The following MAML2 variants were observed in gnomAD, a reference collection of about 807,000 sequenced individuals.
MAML2 encodes the protein mastermind-like protein 2.
In MAML2, 22 loss-of-function variants were observed where a neutral mutation model predicts 96.1. The observed-to-expected ratio is 0.23, with a 90% CI of 0.16 to 0.33. The LOEUF (loss-of-function observed/expected upper bound fraction) is 0.33. MAML2 is among the 10% of genes least tolerant of loss of function. The pLI, the probability that MAML2 is intolerant of heterozygous loss-of-function variation, is 1.00. For synonymous variants in MAML2, 561 were observed against 521.3 expected, an observed-to-expected ratio of 1.08 and a Z score of -1.04; for missense variants, 1,367 against 1,392.4, an observed-to-expected ratio of 0.98 and a Z score of 0.29.
chr11:96,245,648 G>A (rs512273), intron 1 of MAML2, among the ~76,000 whole-genome samples: 140,831 of 151,770 alleles, frequency 0.93, 65,508 homozygotes, highest in African/African-American at 0.98. Context: ...GTATGGCTAT[G>A]AAATTGTGCC....
At position 95,977,261 on chromosome 11, in the gene MAML2, T is replaced by C; in HGVS notation, c.*1687A>G. The C allele has an allele frequency of 5.4e-6, 1 of 184,568 alleles. No homozygotes were observed. The highest frequency in any genetic ancestry group is 1.2e-5 in the Non-Finnish European group (1 of 86,952). 11.4% of individuals were successfully genotyped at this position (184,568 alleles called of 1,614,324 possible). On this transcript the variant is annotated 3_prime_UTR_variant, in exon 5 of 5. Coordinates refer to ENST00000524717, the MANE Select transcript of MAML2 (RefSeq NM_032427.4). The stretch of plus-strand genomic sequence containing the variant: ...TATAAATATAACCCAAAGAATATGT[T>C]TGAAGTATTTCTACCAAAATATTCT...
At chr11:96,322,427 A>G (rs1287067601) in intron 1 of MAML2, among the ~76,000 whole-genome samples, 1 of 152,228 alleles carries the variant, frequency 6.6e-6, no homozygotes, top group African/African-American at 2.4e-5. Context: ...GGCGGGGCAC[A>G]GTGGCTCATT....
intron 2 of MAML2, among the ~76,000 whole-genome samples, chr11:96,085,795 A>G (rs1859600614): frequency 6.8e-6 from 1 of 147,696 alleles, no homozygotes; most frequent in Non-Finnish European, 1.5e-5. Flanking sequence ...ATGTATTATG[A>G]TCCCAAGGCT....
At chr11:96,019,313 G>A (rs937724931) in intron 2 of MAML2, among the ~76,000 whole-genome samples, 13 of 152,140 alleles carry the variant, frequency 8.5e-5, no homozygotes, top group African/African-American at 2.9e-4. Context: ...GGCTAGTGAA[G>A]TTATAATAGT....
At chr11:96,256,396 C>G (rs1862669486) in intron 1 of MAML2, among the ~76,000 whole-genome samples, 1 of 152,172 alleles carries the variant, frequency 6.6e-6, no homozygotes, top group Admixed American at 6.5e-5. Flanking sequence ...CGAAGTTCCT[C>G]AAACGACCAC....
Position 96,093,177 on chromosome 11 carries a change from T to G in MAML2, c.854A>C (p.Gln285Pro). The G allele has an allele frequency of 6.2e-7, 1 of 1,614,008 alleles. No individual in the cohort carries two copies. The highest frequency in any genetic ancestry group is 8.5e-7 in the Non-Finnish European group (1 of 1,179,894). ...CSKHMDGQMT[Q>P]ENIFPNRYGD... is the part of the protein sequence containing the mutation. ...GTACCTATTAGGAAAAATATTCTCTTGGGTCATTTGGCCATCCATGTGCTT... is the reference window on the plus strand; with the variant it reads ...GTACCTATTAGGAAAAATATTCTCTGGGGTCATTTGGCCATCCATGTGCTT... The change falls in exon 2 of 5, where the codon CAA becomes CCA. Residue 285 changes from glutamine (Q) to proline (P), a missense_variant. Gln to Pro is a moderately conservative substitution (Grantham distance 76). Transcript: ENST00000524717.
At chr11:96,255,168 T>G (rs1862644868) in intron 1 of MAML2, among the ~76,000 whole-genome samples, 1 of 152,190 alleles carries the variant, frequency 6.6e-6, no homozygotes. Flanking sequence ...ATCATGTCAC[T>G]TCCCTGCATA....
chr11:96,206,364 G>C (rs568588868), intron 1 of MAML2, among the ~76,000 whole-genome samples: 1 of 152,166 alleles, frequency 6.6e-6, no homozygotes, highest in Non-Finnish European at 1.5e-5. Flanking sequence ...TTGGGAGGCC[G>C]AGGCGGGCAG....
rs180690474 is a variant in MAML2, at chr11:96,025,528, C to T, written c.2140-33805G>A. Among the ~76,000 whole-genome samples, 15 of 152,248 alleles carry T rather than the reference C, an allele frequency of 9.9e-5. No homozygotes were observed. In the East Asian group the frequency reaches 2.9e-3, roughly 29 times the overall value. ...CTGGTAACAAACCTGAATGTGTACCCACTGAATCTAAAATAAAAGTGTAAA... is the reference window on the plus strand; with the variant it reads ...CTGGTAACAAACCTGAATGTGTACCTACTGAATCTAAAATAAAAGTGTAAA... On this transcript the variant is annotated intron_variant, in intron 2 of 4. Coordinates refer to ENST00000524717, the MANE Select transcript of MAML2 (RefSeq NM_032427.4).
intron 1 of MAML2, among the ~76,000 whole-genome samples, chr11:96,114,375 C>T (rs1860197250): frequency 1.3e-5 from 2 of 152,318 alleles, no homozygotes; most frequent in South Asian, 4.1e-4. Context: ...CTAATTTCAT[C>T]GTTTGATCCT....
At chr11:96,127,948 ACT>A (rs1358294043) in intron 1 of MAML2, among the ~76,000 whole-genome samples, 2 of 152,160 alleles carry the variant, frequency 1.3e-5, no homozygotes, top group East Asian at 1.9e-4. Flanking sequence ...GAAAATAGAC[ACT>A]GTTTATGAAA....
intron 2 of MAML2, among the ~76,000 whole-genome samples, chr11:96,052,243 C>A (rs1449166647): frequency 6.6e-6 from 1 of 152,028 alleles, no homozygotes; most frequent in Non-Finnish European, 1.5e-5. Context: ...GTACAGGGAG[C>A]CATATTAATC....
chr11:96,192,634 A>G (rs896731238), intron 1 of MAML2, among the ~76,000 whole-genome samples: 4 of 152,230 alleles, frequency 2.6e-5, no homozygotes, highest in African/African-American at 9.7e-5. Context: ...TGTTTTCAAA[A>G]GATCAGGAAG....
chr11:96,150,185 C>T (rs1271885143), intron 1 of MAML2, among the ~76,000 whole-genome samples: 1 of 152,214 alleles, frequency 6.6e-6, no homozygotes, highest in African/African-American at 2.4e-5. Context: ...GCTCTTCCTC[C>T]TGATTCATAC....
At chr11:96,300,495 T>C (rs1863371837) in intron 1 of MAML2, among the ~76,000 whole-genome samples, 1 of 152,182 alleles carries the variant, frequency 6.6e-6, no homozygotes, top group African/African-American at 2.4e-5. Flanking sequence ...TGTTTTGAGG[T>C]ACCCTAGACT....
At chr11:96,232,471 A>AC (rs1369204766) in intron 1 of MAML2, among the ~76,000 whole-genome samples, 10 of 148,994 alleles carry the variant, frequency 6.7e-5, no homozygotes, top group Admixed American at 4.0e-4. Flanking sequence ...AAAGGAAGGC[A>AC]TTTTTTTTTT....
chr11:96,010,312 A>G (rs78471106), intron 2 of MAML2, among the ~76,000 whole-genome samples: 1 of 152,224 alleles, frequency 6.6e-6, no homozygotes, highest in Admixed American at 6.5e-5. Flanking sequence ...AGATTTATAT[A>G]AAAAACTGAT....
Position 96,311,565 on chromosome 11 carries a change from C to G in MAML2, c.513+29818G>C, listed in dbSNP as rs186555218. Among the ~76,000 whole-genome samples, 19 of 152,278 alleles carry G rather than the reference C, an allele frequency of 1.2e-4. No homozygotes were observed. The East Asian group carries it at 3.3e-3, about 26-fold the overall frequency. ...CTAGATAGGATTCTCATAGCTGAGGCCAGCAAAGACACCTCTTCTTGATTG... is the reference window on the plus strand; with the variant it reads ...CTAGATAGGATTCTCATAGCTGAGGGCAGCAAAGACACCTCTTCTTGATTG... On this transcript the variant is annotated intron_variant, in intron 1 of 4. Coordinates refer to ENST00000524717, the MANE Select transcript of MAML2 (RefSeq NM_032427.4).
intron 1 of MAML2, among the ~76,000 whole-genome samples, chr11:96,209,523 G>A (rs1400928175): frequency 6.6e-6 from 1 of 152,022 alleles, no homozygotes; most frequent in East Asian, 1.9e-4. Flanking sequence ...TGCAGTGAGC[G>A]GAGATTGGCG....
Sources: allele counts gnomAD v4.1 joint callset (sites outside exome capture counted in the v4.1 genomes callset), GRCh38; gene constraint gnomAD v4.1.1; transcripts MANE v1.5; gene names NCBI Gene and HGNC (gene_info 2026-07-23, HGNC 2026-07-21).